Variants in DLG2 observed in about 807,000 individuals in gnomAD.
DLG2 encodes the protein discs large MAGUK scaffold protein 2.
DLG2 carries 45 observed loss-of-function variants against 132.5 expected under a neutral mutation model. The ratio of observed to expected loss-of-function variants is 0.34; its 90% confidence interval spans 0.27 to 0.44. The LOEUF is 0.44. Among genes scored for constraint, DLG2 ranks in the 20% least tolerant of loss-of-function variants. DLG2 has a pLI of 1.00. For missense variants in DLG2, 1,045 were observed against 1,196.9 expected, an observed-to-expected ratio of 0.87 and a Z score of 1.87; for synonymous variants, 424 against 419.6, an observed-to-expected ratio of 1.01 and a Z score of -0.13.
intron 6 of DLG2, among the ~76,000 whole-genome samples, chr11:84,613,560 G>C (rs1485026086): frequency 1.3e-5 from 2 of 152,156 alleles, no homozygotes; most frequent in East Asian, 1.9e-4. Context: ...ACAGGTAACA[G>C]TTATCATGGT....
chr11:83,991,458 A>G (rs1266977341), intron 11 of DLG2, among the ~76,000 whole-genome samples: 1 of 152,170 alleles, frequency 6.6e-6, no homozygotes, highest in African/African-American at 2.4e-5. Flanking sequence ...CCCTTTGTTC[A>G]AAGGAAGAAA....
intron 3 of DLG2, among the ~76,000 whole-genome samples, chr11:85,397,692 A>G (rs183542431): frequency 6.6e-6 from 1 of 152,248 alleles, no homozygotes; most frequent in Non-Finnish European, 1.5e-5. Flanking sequence ...AGGCCACTAC[A>G]TAATGGTAAA....
chr11:84,452,509 T>C (rs982296742), intron 7 of DLG2, among the ~76,000 whole-genome samples: 2 of 151,732 alleles, frequency 1.3e-5, no homozygotes, highest in Admixed American at 1.3e-4. Flanking sequence ...TAAGAATTAT[T>C]ACAGTTATCA....
At chr11:84,512,415 G>C (rs1376649270) in intron 7 of DLG2, among the ~76,000 whole-genome samples, 1 of 152,070 alleles carries the variant, frequency 6.6e-6, no homozygotes, top group African/African-American at 2.4e-5. Context: ...GAAATTAAAG[G>C]CTACTATAAC....
At chr11:83,720,532 T>C (rs1388476806) in intron 18 of DLG2, among the ~76,000 whole-genome samples, 1 of 151,892 alleles carries the variant, frequency 6.6e-6, no homozygotes, top group African/African-American at 2.4e-5. Context: ...GTAAAGACTA[T>C]ATAAAGTAAC....
intron 3 of DLG2, among the ~76,000 whole-genome samples, chr11:85,474,126 T>C (rs1022458671): frequency 1.3e-5 from 2 of 151,860 alleles, no homozygotes; most frequent in Non-Finnish European, 2.9e-5. Flanking sequence ...GTGAAAATGA[T>C]GAAATAAAAA....
At chr11:85,464,327 G>T (rs1364830473) in intron 3 of DLG2, among the ~76,000 whole-genome samples, 1 of 152,110 alleles carries the variant, frequency 6.6e-6, no homozygotes, top group Non-Finnish European at 1.5e-5. Context: ...CCTCACAGAA[G>T]AACTGGAGTT....
chr11:83,638,716 T>A (rs2065526263), intron 18 of DLG2, among the ~76,000 whole-genome samples: 1 of 152,144 alleles, frequency 6.6e-6, no homozygotes, highest in Non-Finnish European at 1.5e-5. Flanking sequence ...TGCCATCAGG[T>A]GGAACTTCTC....
chr11:84,299,982 G>C (rs974778310), intron 7 of DLG2, among the ~76,000 whole-genome samples: 3 of 152,074 alleles, frequency 2.0e-5, no homozygotes, highest in Non-Finnish European at 4.4e-5. Flanking sequence ...AGCAGTATAA[G>C]AACAACGTGT....
At chr11:83,754,810 G>T (rs1274569290) in intron 18 of DLG2, among the ~76,000 whole-genome samples, 1 of 151,424 alleles carries the variant, frequency 6.6e-6, no homozygotes, top group African/African-American at 2.5e-5. Context: ...GTTAGTTGGA[G>T]AAACAATATT....
At chr11:85,502,907 A>G (rs1031009495) in intron 3 of DLG2, among the ~76,000 whole-genome samples, 1 of 152,156 alleles carries the variant, frequency 6.6e-6, no homozygotes, top group African/African-American at 2.4e-5. Context: ...TTAATAGCAA[A>G]GGCTGGAAAC....
chr11:84,530,819 C>T (rs959804985), intron 7 of DLG2, among the ~76,000 whole-genome samples: 2 of 152,198 alleles, frequency 1.3e-5, no homozygotes, highest in Non-Finnish European at 2.9e-5. Context: ...AAGACACACG[C>T]AAAGGTATGT....
intron 3 of DLG2, among the ~76,000 whole-genome samples, chr11:85,333,645 T>G (rs960374339): frequency 1.3e-5 from 2 of 152,194 alleles, no homozygotes; most frequent in African/African-American, 4.8e-5. Context: ...GGGGAGATTT[T>G]CAATTTTATC....
intron 14 of DLG2, among the ~76,000 whole-genome samples, chr11:83,960,505 G>C (rs1314592502): frequency 3.3e-5 from 5 of 151,864 alleles, no homozygotes; most frequent in African/African-American, 1.2e-4. Context: ...AAAAGAAAGG[G>C]CATTTTGATT....
At chr11:84,448,324 T>C (rs111946741) in intron 7 of DLG2, among the ~76,000 whole-genome samples, 1 of 152,066 alleles carries the variant, frequency 6.6e-6, no homozygotes, top group Non-Finnish European at 1.5e-5. Context: ...TCTCTGGGTA[T>C]TGAACTACAT....
intron 9 of DLG2, among the ~76,000 whole-genome samples, chr11:84,121,541 A>ATTTTTTTTTTTTTTTTTTTTTTT (rs869183421): frequency 1.5e-5 from 1 of 66,670 alleles, no homozygotes; most frequent in Non-Finnish European, 2.8e-5. Context: ...TTCCTTGCTA[A>ATTTTTTTTTTTTTTTTTTTTTTT]TTTTTTTTTT....
intron 6 of DLG2, among the ~76,000 whole-genome samples, chr11:84,655,804 G>T (rs947923002): frequency 6.6e-6 from 1 of 150,888 alleles, no homozygotes; most frequent in Non-Finnish European, 1.5e-5. Flanking sequence ...GTAAATAGCA[G>T]GAAACTATGC....
At chr11:85,591,521 A>T (rs1229245073) in intron 3 of DLG2, among the ~76,000 whole-genome samples, 1 of 152,170 alleles carries the variant, frequency 6.6e-6, no homozygotes, top group East Asian at 1.9e-4. Context: ...CAGGCAAATC[A>T]CAAGCTCAGG....
chr11:84,521,449 T>C (rs566482478), intron 7 of DLG2, among the ~76,000 whole-genome samples: 1 of 152,338 alleles, frequency 6.6e-6, no homozygotes, highest in East Asian at 1.9e-4. Context: ...TCATAACAGC[T>C]GTGATTCTTA....
Sources: gnomAD v4.1 joint callset for allele counts (sites outside exome capture counted in the v4.1 genomes callset) on GRCh38, gnomAD v4.1.1 for gene constraint, MANE v1.5 for transcripts, NCBI Gene and HGNC (gene_info 2026-07-23, HGNC 2026-07-21) for gene names.